Variants in IKZF2 observed in about 807,000 individuals in gnomAD.
The protein encoded by IKZF2 is zinc finger protein Helios.
In IKZF2, 15 loss-of-function variants were observed where a neutral mutation model predicts 49.2. The ratio of observed to expected loss-of-function variants is 0.30; its 90% confidence interval spans 0.20 to 0.47. The LOEUF is 0.47. IKZF2 is among the 20% of genes least tolerant of loss of function. IKZF2 has a pLI of 1.00. For synonymous variants in IKZF2, 227 were observed against 221.4 expected, an observed-to-expected ratio of 1.03 and a Z score of -0.23; for missense variants, 567 against 664.6, an observed-to-expected ratio of 0.85 and a Z score of 1.61.
At chr2:213,027,666 G>T (rs539626139) in intron 6 of IKZF2, among the ~76,000 whole-genome samples, 2 of 151,924 alleles carry the variant, frequency 1.3e-5, no homozygotes, top group African/African-American at 4.8e-5. Flanking sequence ...TTTCCTCTTC[G>T]TTGGGTTTAG....
Position 213,006,808 on chromosome 2 carries a change from T to C in IKZF2, c.*552A>G, listed in dbSNP as rs1298301317. On this transcript the variant is annotated 3_prime_UTR_variant, in exon 9 of 9. Transcript: ENST00000434687. ...ATAAATTCCATAGGGGAAGTAAACA[T>C]AGAACCCACAACAACTCAGCTCCTC... 1 of 153,866 alleles carries C rather than the reference T, an allele frequency of 6.5e-6. No individual in the cohort carries two copies. The highest frequency in any genetic ancestry group is 1.4e-5 in the Non-Finnish European group (1 of 69,066). 9.5% of individuals were successfully genotyped at this position (153,866 alleles called of 1,614,324 possible). A position where few individuals can be genotyped will look rare whatever the true frequency, so the allele number is the denominator to read the frequency against.
At chr2:213,150,326 G>A in intron 1 of IKZF2, 79 bp from the exon 2 acceptor site, 1 of 498,846 alleles carries the variant, frequency 2.0e-6, no homozygotes, top group Admixed American at 2.8e-5. Context: ...CCCCCTCCAA[G>A]CCAAGCCCCC....
intron 4 of IKZF2, among the ~76,000 whole-genome samples, chr2:213,131,101 G>A (rs983146064): frequency 3.3e-5 from 5 of 152,082 alleles, no homozygotes; most frequent in African/African-American, 1.2e-4. Flanking sequence ...TGTAAATGTT[G>A]GGATAAAACT....
chr2:213,022,869 T>C (rs554655632), intron 6 of IKZF2, among the ~76,000 whole-genome samples: 39 of 152,178 alleles, frequency 2.6e-4, no homozygotes, highest in Non-Finnish European at 5.4e-4. Flanking sequence ...TATTCCCTAA[T>C]AGCTAGGGAG....
intron 5 of IKZF2, among the ~76,000 whole-genome samples, chr2:213,054,819 C>A (rs1044591389): frequency 2.0e-5 from 3 of 152,094 alleles, no homozygotes; most frequent in African/African-American, 7.2e-5. Context: ...ATCTGTATAA[C>A]TGTTTATAAA....
intron 4 of IKZF2, among the ~76,000 whole-genome samples, chr2:213,063,907 T>A (rs991517573): frequency 6.6e-6 from 1 of 152,040 alleles, no homozygotes; most frequent in Admixed American, 6.6e-5. Flanking sequence ...TTGAAGAGGA[T>A]ACCAGAAACT....
Position 213,020,729 on chromosome 2 carries a change from A to G in IKZF2, c.712+1264T>C, listed in dbSNP as rs1007138938. On this transcript the variant is annotated intron_variant, in intron 7 of 8. Coordinates refer to ENST00000434687, the MANE Select transcript of IKZF2 (RefSeq NM_001387220.1). ...AAATTAAAAAAATTCCCAACTCAAC[A>G]ACACATAATCACTAGCTGTCCAACA... Among the ~76,000 whole-genome samples the G allele has an allele frequency of 4.6e-5, 7 of 152,302 alleles. No homozygotes were observed. The East Asian group carries it at 1.3e-3, about 29-fold the overall frequency.
chr2:213,029,089 T>G (rs1015772016), intron 6 of IKZF2, among the ~76,000 whole-genome samples: 1 of 152,080 alleles, frequency 6.6e-6, no homozygotes, highest in Non-Finnish European at 1.5e-5. Context: ...TAAGGACTTT[T>G]GCATCTGCAT....
intron 8 of IKZF2, among the ~76,000 whole-genome samples, chr2:213,008,292 T>G (rs1038564509): frequency 1.3e-5 from 2 of 151,078 alleles, no homozygotes; most frequent in African/African-American, 4.9e-5. Context: ...AGTCTCAGGG[T>G]GTGATCTCTG....
At chr2:213,036,172 A>ATG (rs1198986088) in intron 6 of IKZF2, among the ~76,000 whole-genome samples, 1 of 152,016 alleles carries the variant, frequency 6.6e-6, no homozygotes, top group Non-Finnish European at 1.5e-5. Context: ...GTGGGTGTGT[A>ATG]TGTGTGTGTT....
intron 5 of IKZF2, among the ~76,000 whole-genome samples, chr2:213,056,156 C>T (rs1701132835): frequency 6.6e-6 from 1 of 152,076 alleles, no homozygotes. Flanking sequence ...AAACTTTTCA[C>T]CTCTCAAATG....
chr2:213,095,898 G>T (rs1449877201), intron 4 of IKZF2, among the ~76,000 whole-genome samples: 1 of 151,930 alleles, frequency 6.6e-6, no homozygotes, highest in Non-Finnish European at 1.5e-5. Flanking sequence ...ATAGATATTT[G>T]AAATCAAATT....
intron 6 of IKZF2, among the ~76,000 whole-genome samples, chr2:213,029,551 C>T (rs1013340417): frequency 2.6e-5 from 4 of 151,854 alleles, no homozygotes; most frequent in African/African-American, 7.2e-5. Flanking sequence ...ATTGATCTTG[C>T]TAGAGGTTTA....
intron 4 of IKZF2, among the ~76,000 whole-genome samples, chr2:213,084,818 C>T (rs1392823888): frequency 6.6e-6 from 1 of 152,172 alleles, no homozygotes; most frequent in Non-Finnish European, 1.5e-5. Flanking sequence ...TTACAACTCT[C>T]TTTGCTCATG....
chr2:213,034,295 G>A (rs1448478764), intron 6 of IKZF2, among the ~76,000 whole-genome samples: 3 of 152,188 alleles, frequency 2.0e-5, no homozygotes, highest in Non-Finnish European at 4.4e-5. Flanking sequence ...GTTCACTGGA[G>A]TAGCATTTTA....
At chr2:213,089,995 G>T (rs1198083999) in intron 4 of IKZF2, among the ~76,000 whole-genome samples, 1 of 152,164 alleles carries the variant, frequency 6.6e-6, no homozygotes, top group Non-Finnish European at 1.5e-5. Context: ...ATCACTCACA[G>T]CTGGGGAGAG....
intron 4 of IKZF2, among the ~76,000 whole-genome samples, chr2:213,122,240 C>A (rs1409157884): frequency 6.6e-6 from 1 of 152,250 alleles, no homozygotes; most frequent in Non-Finnish European, 1.5e-5. Flanking sequence ...CTTCTACCAT[C>A]TTCTGAAAAG....
chr2:213,011,832 T>C (rs1695991843), intron 8 of IKZF2, among the ~76,000 whole-genome samples: 1 of 151,898 alleles, frequency 6.6e-6, no homozygotes, highest in Admixed American at 6.6e-5. Flanking sequence ...TAGTGAGATA[T>C]AAGTATGGAA....
At chr2:213,024,782 A>C (rs1039171724) in intron 6 of IKZF2, among the ~76,000 whole-genome samples, 1 of 152,132 alleles carries the variant, frequency 6.6e-6, no homozygotes. Context: ...TGGCTCTGCT[A>C]TCTCCACAAG....
Sources: allele counts gnomAD v4.1 joint callset (sites outside exome capture counted in the v4.1 genomes callset), GRCh38; gene constraint gnomAD v4.1.1; transcripts MANE v1.5; gene names NCBI Gene and HGNC (gene_info 2026-07-23, HGNC 2026-07-21).